Variants in CPQ observed in about 807,000 individuals in gnomAD.
CPQ encodes Ser-Met dipeptidase.
Under a neutral mutation model 45.7 loss-of-function variants are expected in CPQ, and 37 were observed. The ratio of observed to expected loss-of-function variants is 0.81; its 90% CI spans 0.62 to 1.07. The LOEUF is 1.07. Among genes scored for constraint, CPQ ranks in the 50% least tolerant of loss-of-function variants. The probability of loss-of-function intolerance (pLI) is 0.00; values close to 1 mark genes in which losing one functional copy is unlikely to be tolerated. For synonymous variants in CPQ, 186 were observed against 205.8 expected, an observed-to-expected ratio of 0.90 and a Z score of 0.82; for missense variants, 537 against 572.9, an observed-to-expected ratio of 0.94 and a Z score of 0.64.
chr8:97,141,932 A>G (rs1025614326), intron 7 of CPQ, among the ~76,000 whole-genome samples: 2 of 152,188 alleles, frequency 1.3e-5, no homozygotes, highest in African/African-American at 4.8e-5. Flanking sequence ...ATTGTTATAT[A>G]TAGTCATATA....
chr8:96,906,310 A>G (rs905106124), intron 4 of CPQ, among the ~76,000 whole-genome samples: 3 of 152,220 alleles, frequency 2.0e-5, no homozygotes, highest in Admixed American at 1.3e-4. Context: ...GAGGTCTTAG[A>G]AAAGTATTTT....
At chr8:96,747,769 G>T (rs966185453) in intron 1 of CPQ, among the ~76,000 whole-genome samples, 1 of 152,152 alleles carries the variant, frequency 6.6e-6, no homozygotes, top group African/African-American at 2.4e-5. Context: ...GAATCGCCAG[G>T]TTATTTGTTA....
chr8:97,029,664 A>G (rs1228361920), intron 6 of CPQ, among the ~76,000 whole-genome samples, 170 bp downstream of exon 6: 3 of 152,196 alleles, frequency 2.0e-5, no homozygotes, highest in African/African-American at 2.4e-5. Flanking sequence ...CTGGTAAACC[A>G]ATGATGCTGT....
At chr8:96,838,234 T>C (rs1811556371) in intron 3 of CPQ, among the ~76,000 whole-genome samples, 1 of 152,192 alleles carries the variant, frequency 6.6e-6, no homozygotes, top group Non-Finnish European at 1.5e-5. Flanking sequence ...CTAACTGTTG[T>C]AACAAACAGC....
intron 3 of CPQ, among the ~76,000 whole-genome samples, chr8:96,854,552 A>AC (rs1251596194): frequency 5.5e-5 from 7 of 127,812 alleles, no homozygotes; most frequent in African/African-American, 1.2e-4. Context: ...AAAAAAAAAA[A>AC]AAAAAAATGT....
At chr8:96,977,225 C>G (rs1364581885) in intron 5 of CPQ, among the ~76,000 whole-genome samples, 1 of 151,266 alleles carries the variant, frequency 6.6e-6, no homozygotes, top group Non-Finnish European at 1.5e-5. Flanking sequence ...AAATGGCCAA[C>G]AAGCGTATGG....
chr8:96,938,529 G>T (rs890355701), intron 4 of CPQ, among the ~76,000 whole-genome samples: 1 of 152,122 alleles, frequency 6.6e-6, no homozygotes, highest in African/African-American at 2.4e-5. Flanking sequence ...ATCTGAAGGG[G>T]CACAGAGAGG....
At chr8:96,675,826 G>A (rs1414390764) in intron 1 of CPQ, among the ~76,000 whole-genome samples, 2 of 151,808 alleles carry the variant, frequency 1.3e-5, no homozygotes, top group African/African-American at 2.4e-5. Flanking sequence ...TCTATGAACT[G>A]TTTATATATT....
intron 1 of CPQ, among the ~76,000 whole-genome samples, chr8:96,724,505 AC>A (rs1229063242): frequency 2.0e-5 from 3 of 151,770 alleles, no homozygotes; most frequent in Non-Finnish European, 4.4e-5. Flanking sequence ...ACACACACAC[AC>A]ACACACACAC....
intron 2 of CPQ, among the ~76,000 whole-genome samples, chr8:96,802,316 T>C (rs200576793): frequency 6.6e-6 from 1 of 152,176 alleles, no homozygotes; most frequent in East Asian, 1.9e-4. Flanking sequence ...CTCATTGTAG[T>C]CTTGGAATTA....
At chr8:97,105,270 G>GAATTTGAC (rs532800856) in intron 7 of CPQ, among the ~76,000 whole-genome samples, 5 of 152,156 alleles carry the variant, frequency 3.3e-5, no homozygotes, top group Non-Finnish European at 7.3e-5. Context: ...TTCTGCCTCT[G>GAATTTGAC]AATTTGACAA....
chr8:96,827,290 C>T (rs1283686789), intron 2 of CPQ, among the ~76,000 whole-genome samples: 1 of 151,950 alleles, frequency 6.6e-6, no homozygotes, highest in Admixed American at 6.6e-5. Context: ...CCAAAAACTC[C>T]CTTCCTTGGT....
intron 5 of CPQ, among the ~76,000 whole-genome samples, chr8:97,009,773 G>C (rs946957776): frequency 1.3e-5 from 2 of 152,126 alleles, no homozygotes; most frequent in Non-Finnish European, 2.9e-5. Context: ...GTTAGAAGGT[G>C]ACAATTTTAT....
At chr8:96,903,277 A>G (rs1410124670) in intron 4 of CPQ, among the ~76,000 whole-genome samples, 2 of 152,212 alleles carry the variant, frequency 1.3e-5, no homozygotes, top group Admixed American at 1.3e-4. Context: ...ATGGGTCTGG[A>G]CTAAAAAGTG....
chr8:97,113,350 G>A (rs573277920), intron 7 of CPQ, among the ~76,000 whole-genome samples: 22 of 152,284 alleles, frequency 1.4e-4, no homozygotes, highest in African/African-American at 3.6e-4. Flanking sequence ...GAATGGGTTG[G>A]TTTAAGACAG....
chr8:96,766,549 G>C (rs1181181088), intron 1 of CPQ, among the ~76,000 whole-genome samples: 1 of 152,128 alleles, frequency 6.6e-6, no homozygotes, highest in Non-Finnish European at 1.5e-5. Flanking sequence ...GTGTGGCCCT[G>C]TGCATGTGTC....
chr8:97,045,337 G>A (rs1045638292), intron 6 of CPQ, among the ~76,000 whole-genome samples: 7 of 152,150 alleles, frequency 4.6e-5, no homozygotes, highest in African/African-American at 9.7e-5. Context: ...TAAGCCCGTC[G>A]GAAAAGCGCA....
chr8:96,837,565 A>G (rs1156234952), intron 3 of CPQ, among the ~76,000 whole-genome samples: 1 of 152,038 alleles, frequency 6.6e-6, no homozygotes, highest in Non-Finnish European at 1.5e-5. Context: ...CTGGCTTCTC[A>G]CTGTGACTGT....
intron 3 of CPQ, among the ~76,000 whole-genome samples, chr8:96,836,330 T>A (rs1442713783): frequency 6.6e-6 from 1 of 152,050 alleles, no homozygotes; most frequent in East Asian, 1.9e-4. Flanking sequence ...TGTACAAAAG[T>A]GCAGGGAAAA....
Sources: gnomAD v4.1 joint callset for allele counts (sites outside exome capture counted in the v4.1 genomes callset) on GRCh38, gnomAD v4.1.1 for gene constraint, MANE v1.5 for transcripts, NCBI Gene and HGNC (gene_info 2026-07-23, HGNC 2026-07-21) for gene names.